Variants in RBMS3 observed in about 807,000 individuals in gnomAD.
RBMS3 encodes RNA-binding motif, single-stranded-interacting protein 3.
In RBMS3, 27 loss-of-function variants were observed where a neutral mutation model predicts 66.8. That is an observed-to-expected ratio of 0.40 (90% CI 0.30 to 0.56). RBMS3 has a LOEUF of 0.56. Among genes scored for constraint, RBMS3 ranks in the 20% least tolerant of loss-of-function variants. RBMS3 has a pLI of 0.40. For synonymous variants in RBMS3, 188 were observed against 183.0 expected, an observed-to-expected ratio of 1.03 and a Z score of -0.22; for missense variants, 513 against 549.5, an observed-to-expected ratio of 0.93 and a Z score of 0.66.
chr3:29,489,991 C>T (rs896931705), intron 3 of RBMS3, among the ~76,000 whole-genome samples: 5 of 137,634 alleles, frequency 3.6e-5, no homozygotes, highest in Non-Finnish European at 7.6e-5. Flanking sequence ...TGCAGTGAGC[C>T]GAGATTGCGT....
At chr3:29,495,847 G>A (rs951091111) in intron 3 of RBMS3, among the ~76,000 whole-genome samples, 1 of 152,138 alleles carries the variant, frequency 6.6e-6, no homozygotes, top group Non-Finnish European at 1.5e-5. Flanking sequence ...GTTTTAACAA[G>A]TGACACTGAC....
intron 4 of RBMS3, among the ~76,000 whole-genome samples, chr3:29,688,067 T>G (rs1394568375): frequency 6.6e-6 from 1 of 152,172 alleles, no homozygotes; most frequent in Non-Finnish European, 1.5e-5. Context: ...TTCACCCAGC[T>G]CTACTCCAAT....
chr3:29,760,089 C>A (rs1430062793), intron 5 of RBMS3, among the ~76,000 whole-genome samples: 1 of 152,018 alleles, frequency 6.6e-6, no homozygotes, highest in Non-Finnish European at 1.5e-5. Context: ...CTTGATATGG[C>A]TGTAAAACAG....
chr3:29,925,309 A>G (rs1179517416), intron 10 of RBMS3: 2 of 152,146 alleles, frequency 1.3e-5, no homozygotes, highest in East Asian at 1.9e-4. Context: ...GGCATATACC[A>G]TCTCTTCTAA....
At chr3:29,755,939 T>C (rs1397270999) in intron 5 of RBMS3, among the ~76,000 whole-genome samples, 1 of 152,152 alleles carries the variant, frequency 6.6e-6, no homozygotes, top group Non-Finnish European at 1.5e-5. Context: ...CCTGTATAAA[T>C]TAAGTTAAAT....
chr3:29,887,747 A>T (rs894033417), intron 8 of RBMS3, among the ~76,000 whole-genome samples: 7 of 151,844 alleles, frequency 4.6e-5, no homozygotes, highest in African/African-American at 1.7e-4. Context: ...AGACAAAAAA[A>T]GATCAAGAGT....
chr3:29,393,508 T>C (rs907122204), intron 1 of RBMS3, among the ~76,000 whole-genome samples: 1 of 152,172 alleles, frequency 6.6e-6, no homozygotes, highest in African/African-American at 2.4e-5. Context: ...TAGTGGATGA[T>C]GAACTACCCA....
At chr3:29,303,624 A>G (rs1466656034) in intron 1 of RBMS3, among the ~76,000 whole-genome samples, 2 of 152,070 alleles carry the variant, frequency 1.3e-5, no homozygotes, top group Non-Finnish European at 2.9e-5. Flanking sequence ...ATACATTATT[A>G]AGAACATATC....
chr3:29,825,148 G>C (rs933217808), intron 6 of RBMS3, among the ~76,000 whole-genome samples: 4 of 150,978 alleles, frequency 2.6e-5, no homozygotes, highest in Non-Finnish European at 4.4e-5. Context: ...CAATTCTCCT[G>C]CCTCAGCCTC....
chr3:29,608,490 C>T (rs915839418), intron 4 of RBMS3, among the ~76,000 whole-genome samples: 1 of 151,962 alleles, frequency 6.6e-6, no homozygotes, highest in African/African-American at 2.4e-5. Context: ...TACAATTACA[C>T]AGAAAATGTT....
intron 3 of RBMS3, among the ~76,000 whole-genome samples, chr3:29,535,133 A>G (rs544323504): frequency 2.0e-5 from 3 of 152,250 alleles, no homozygotes; most frequent in African/African-American, 7.2e-5. Flanking sequence ...TTCCGTTGTC[A>G]GAAAAAGGGG....
At chr3:29,768,343 TTGTGAAGGTAAAAAAGC>T (rs1228736644) in intron 6 of RBMS3, among the ~76,000 whole-genome samples, 2 of 151,896 alleles carry the variant, frequency 1.3e-5, no homozygotes, top group African/African-American at 4.8e-5. Context: ...ACATCTGACA[TTGTGAAGGTAAAAAAGC>T]TGTGTGCTGG....
chr3:29,480,380 G>T (rs1295104327), intron 2 of RBMS3, among the ~76,000 whole-genome samples: 1 of 152,136 alleles, frequency 6.6e-6, no homozygotes, highest in Middle Eastern at 3.2e-3. Context: ...AACTCAACTG[G>T]ACTGAGGATT....
intron 6 of RBMS3, among the ~76,000 whole-genome samples, chr3:29,817,547 T>C (rs1009200253): frequency 6.6e-6 from 1 of 152,178 alleles, no homozygotes; most frequent in African/African-American, 2.4e-5. Flanking sequence ...AAGACATAAA[T>C]TGAATTTAGT....
intron 4 of RBMS3, among the ~76,000 whole-genome samples, chr3:29,603,479 AT>A (rs946583647): frequency 3.9e-5 from 6 of 151,922 alleles, no homozygotes; most frequent in African/African-American, 1.4e-4. Context: ...CATAGAGGAC[AT>A]TTGGCAATGT....
chr3:29,285,147 C>G (rs9821432), intron 1 of RBMS3, among the ~76,000 whole-genome samples: 27 of 147,054 alleles, frequency 1.8e-4, no homozygotes, highest in Admixed American at 8.8e-4. Context: ...TTTTATCACC[C>G]TTTCCAAAAA....
intron 6 of RBMS3, among the ~76,000 whole-genome samples, chr3:29,829,207 G>C (rs2149486030): frequency 6.6e-6 from 1 of 152,146 alleles, no homozygotes; most frequent in Non-Finnish European, 1.5e-5. Context: ...ACCATGCCCA[G>C]CTAATTTTTG....
chr3:29,847,800 C>G (rs921402081), intron 6 of RBMS3, among the ~76,000 whole-genome samples: 5 of 152,118 alleles, frequency 3.3e-5, no homozygotes, highest in African/African-American at 9.7e-5. Flanking sequence ...GGACTACAGG[C>G]GCTCGCCGTC....
intron 6 of RBMS3, among the ~76,000 whole-genome samples, chr3:29,771,345 C>G (rs1467621471): frequency 6.6e-6 from 1 of 151,956 alleles, no homozygotes; most frequent in Non-Finnish European, 1.5e-5. Context: ...CAATTCAAAC[C>G]CTTTGAAAAC....
Sources: gnomAD v4.1 joint callset for allele counts (sites outside exome capture counted in the v4.1 genomes callset) on GRCh38, gnomAD v4.1.1 for gene constraint, MANE v1.5 for transcripts, NCBI Gene and HGNC (gene_info 2026-07-23, HGNC 2026-07-21) for gene names.